Variants in PAK1 observed in about 807,000 individuals in gnomAD.
PAK1 encodes serine/threonine-protein kinase PAK 1.
A neutral mutation model predicts 67.4 loss-of-function variants in PAK1; 29 were observed. The ratio of observed to expected loss-of-function variants is 0.43; its 90% CI spans 0.32 to 0.59. PAK1 has a LOEUF of 0.59. PAK1 is among the 20% of genes least tolerant of loss of function. The pLI is 0.07. For missense variants in PAK1, 337 were observed against 670.7 expected (o/e 0.50, Z 5.50); for synonymous variants, 223 against 237.4 (o/e 0.94, Z 0.56).
the PAK1 span, among the ~76,000 whole-genome samples, chr11:77,494,098 C>T: frequency 1.3e-5 from 2 of 152,148 alleles, no homozygotes; most frequent in South Asian, 2.1e-4. Context: ...CATGCATACC[C>T]TATGACCCAG....
chr11:77,358,961 ATCC>A lies in PAK1; in HGVS notation c.531_533del (p.Glu177del), dbSNP rs1327755112. On this transcript the variant is annotated inframe_deletion, in exon 6 of 15. Coordinates refer to ENST00000356341, the MANE Select transcript of PAK1 (RefSeq NM_002576.5). ...GTGGGGTAGCATCATCATCATCATC[ATCC>A]TCATCTTCTGAAACTGGTGGCACTG... The A allele has an allele frequency of 2.2e-5, 35 of 1,612,484 alleles. No individual in the cohort carries two copies. The highest frequency in any genetic ancestry group is 2.9e-5 in the Non-Finnish European group (34 of 1,178,820).
intron 1 of PAK1, among the ~76,000 whole-genome samples, chr11:77,425,640 C>G (rs1029391568): frequency 3.9e-5 from 6 of 152,120 alleles, no homozygotes; most frequent in African/African-American, 1.4e-4. Context: ...ATCTCTTATC[C>G]TTAGTGAAAT....
chr11:77,527,734 C>T, the PAK1 span, among the ~76,000 whole-genome samples: 60 of 152,174 alleles, frequency 3.9e-4, no homozygotes, highest in African/African-American at 1.3e-3. Context: ...TAGAAACTTA[C>T]GGAAAATTTT....
intron 1 of PAK1, among the ~76,000 whole-genome samples, chr11:77,413,169 G>A (rs535008): frequency 0.21 from 32,391 of 152,206 alleles, 4,585 homozygotes; most frequent in Non-Finnish European, 0.31. Context: ...TTTAGCAGTG[G>A]GAAGGCTTTG....
the PAK1 span, among the ~76,000 whole-genome samples, chr11:77,525,742 G>C: frequency 2.0e-5 from 3 of 152,178 alleles, no homozygotes; most frequent in Admixed American, 6.5e-5. Flanking sequence ...CGTCTGCCTG[G>C]GACCAATTGT....
At position 77,323,259 on chromosome 11, in the gene PAK1, G is replaced by C. The variant is rs750199788; in HGVS notation, c.*15C>G. ...ACAGAAGGCTTGGCACAATGAGGCT[G>C]GGGTGAGTGTGGTTTTAGTGATTGT... On this transcript the variant is annotated 3_prime_UTR_variant, in exon 15 of 15. Transcript: ENST00000356341. The C allele has an allele frequency of 2.5e-6, 4 of 1,613,372 alleles. No homozygotes were observed. In the African/African-American group the frequency reaches 5.3e-5, roughly 22 times the overall value.
At chr11:77,358,792 A>G in intron 6 of PAK1, 106 bp downstream of exon 6, 2 of 1,115,282 alleles carry the variant, frequency 1.8e-6, no homozygotes, top group Non-Finnish European at 2.6e-6. Flanking sequence ...TCCAAAATCT[A>G]AGGACGCCTA....
intron 5 of PAK1, among the ~76,000 whole-genome samples, chr11:77,364,223 C>T (rs902315795): frequency 6.6e-6 from 1 of 152,102 alleles, no homozygotes; most frequent in South Asian, 2.1e-4. Context: ...TCAAAAGAGC[C>T]CAACATAAAG....
chr11:77,383,076 GTAAGT>G (rs1391425633), intron 2 of PAK1, among the ~76,000 whole-genome samples: 2 of 152,176 alleles, frequency 1.3e-5, no homozygotes, highest in Admixed American at 6.5e-5. Flanking sequence ...GCCCAGGGAT[GTAAGT>G]TGACTTGTCC....
intron 10 of PAK1, among the ~76,000 whole-genome samples, chr11:77,343,263 TA>T (rs35680227): frequency 0.54 from 79,180 of 147,364 alleles, 22,724 homozygotes; most frequent in Middle Eastern, 0.63. Context: ...CAAGCTTACG[TA>T]AAAAAAAAAA....
chr11:77,393,216 C>G (rs1370168042), intron 1 of PAK1, among the ~76,000 whole-genome samples: 13 of 151,360 alleles, frequency 8.6e-5, no homozygotes, highest in Non-Finnish European at 1.9e-4. Context: ...AGTTTGCTAA[C>G]CCCTGAGACT....
chr11:77,353,561 T>A lies in PAK1; in HGVS notation c.811A>T (p.Thr271Ser). 6.2e-7 allele frequency: 1 copy of A among 1,610,616 alleles called. No individual in the cohort carries two copies. The highest frequency in any genetic ancestry group is 8.5e-7 in the Non-Finnish European group (1 of 1,176,956). ...CCTTGTCCAATCTTCTCAAACCGTG[T>A]ATATTTCTTCTTAGGATCGCCCACA... The part of the protein sequence containing the change: ...VSVGDPKKKY[T>S]RFEKIGQGAS... The change falls in exon 8 of 15, where the codon ACA becomes TCA. Residue 271 changes from threonine to serine, a missense_variant. Thr to Ser is a moderately conservative substitution (Grantham distance 58). This residue lies in a region of PAK1 where 150 missense variants were observed against 179.0 expected (regional missense o/e 0.84). Transcript: ENST00000356341.
chr11:77,407,496 G>A (rs1383183070), intron 1 of PAK1, among the ~76,000 whole-genome samples: 1 of 152,166 alleles, frequency 6.6e-6, no homozygotes, highest in Non-Finnish European at 1.5e-5. Context: ...GCAACCCTAG[G>A]CTTTCAGGCT....
intron 1 of PAK1, among the ~76,000 whole-genome samples, chr11:77,432,122 T>G (rs1444562368): frequency 6.7e-6 from 1 of 149,924 alleles, no homozygotes; most frequent in Non-Finnish European, 1.5e-5. Flanking sequence ...ATTCCAGATA[T>G]GCAAGGTTGT....
At chr11:77,438,979 T>C (rs1956243584) in intron 1 of PAK1, among the ~76,000 whole-genome samples, 1 of 152,202 alleles carries the variant, frequency 6.6e-6, no homozygotes, top group South Asian at 2.1e-4. Flanking sequence ...CTGATTCTCT[T>C]AGCTGGAGGC....
At chr11:77,515,377 A>G in the PAK1 span, among the ~76,000 whole-genome samples, 3 of 152,222 alleles carry the variant, frequency 2.0e-5, no homozygotes, top group South Asian at 6.2e-4. Flanking sequence ...TGGATGAGGA[A>G]GCATACAGGT....
intron 1 of PAK1, chr11:77,455,740 A>T (rs1301743273): frequency 6.6e-6 from 1 of 152,214 alleles, no homozygotes; most frequent in African/African-American, 2.4e-5. Context: ...TCATATTCCC[A>T]TGACACCTGG....
chr11:77,379,915 A>G lies in PAK1; in HGVS notation c.270T>C (p.Asp90=). 6.2e-7 allele frequency: 1 copy of G among 1,613,940 alleles called. No individual in the cohort carries two copies. Among genetic ancestry groups the G allele is most frequent in the African/African-American group, 1.3e-5 (1 of 75,064 alleles). ...TTACCGTAAACTCCCCTGTGACAGC[A>G]TCAAAACCGACATGAATTGTGTGTT... ...DFEHTIHVGF[D]AVTGEFTGMP... Residue 90 remains aspartate (D), a synonymous_variant, in exon 3 of 15, where the codon GAT becomes GAC. Coordinates refer to ENST00000356341, the MANE Select transcript of PAK1 (RefSeq NM_002576.5).
At chr11:77,481,813 G>A in the PAK1 span, among the ~76,000 whole-genome samples, 1 of 151,964 alleles carries the variant, frequency 6.6e-6, no homozygotes, top group African/African-American at 2.4e-5. Flanking sequence ...ATTAGAACAT[G>A]TCTCTCCAGG....
Sources: gnomAD v4.1 joint callset for allele counts (sites outside exome capture counted in the v4.1 genomes callset) on GRCh38, gnomAD v4.1.1 for gene constraint, gnomAD v4.1.1 regional missense constraint, MANE v1.5 for transcripts, NCBI Gene and HGNC (gene_info 2026-07-23, HGNC 2026-07-21) for gene names.